Variants in IFT81 observed in about 807,000 individuals in gnomAD.
IFT81 encodes the protein intraflagellar transport protein 81 homolog.
A neutral mutation model predicts 102.6 loss-of-function variants in IFT81; 72 were observed. The observed-to-expected ratio is 0.70, with a 90% confidence interval of 0.58 to 0.85. IFT81 has a LOEUF of 0.85. Ranked by LOEUF, IFT81 falls within the 40% of genes least tolerant of loss-of-function variation. IFT81 has a pLI of 0.00. For synonymous variants in IFT81, 237 were observed against 242.7 expected, an observed-to-expected ratio of 0.98 and a Z score of 0.22; for missense variants, 723 against 787.3, an observed-to-expected ratio of 0.92 and a Z score of 0.98.
rs542545387 is a variant in IFT81 at position 110,158,628 on chromosome 12, C to T, written c.1042-4291C>T. ...TTTTTGAAATGGAGTCTCGCTCTTTCGCCCAGGCCAAACTGCAGTGGCACT... is the reference window on the plus strand; with the variant it reads ...TTTTTGAAATGGAGTCTCGCTCTTTTGCCCAGGCCAAACTGCAGTGGCACT... On this transcript the variant is annotated intron_variant, in intron 10 of 18. Coordinates refer to ENST00000242591, the MANE Select transcript of IFT81 (RefSeq NM_014055.4). Among the ~76,000 whole-genome samples, 18 of 151,392 alleles carry T rather than the reference C, an allele frequency of 1.2e-4. 1 individual carries two copies. In the South Asian group the frequency reaches 2.5e-3, roughly 21 times the overall value.
In IFT81 at chr12:110,127,440, C is replaced by G. The variant is rs765704127; in HGVS notation, c.60C>G (p.Asn20Lys). Reference protein sequence around the residue: ...DSLNKEPFRKNYNLITFDSLE... With the variant: ...DSLNKEPFRKKYNLITFDSLE... ...TCAATAAGGAGCCCTTTAGGAAGAACTATAATTTAATCACGTTTGATTCCT... is the reference window on the plus strand; with the variant it reads ...TCAATAAGGAGCCCTTTAGGAAGAAGTATAATTTAATCACGTTTGATTCCT... Residue 20 changes from asparagine (N) to lysine (K), a missense_variant, in exon 2 of 19, where the codon AAC (asparagine) becomes AAG (lysine). By Grantham distance (94) the Asn-to-Lys change is moderately conservative (BLOSUM62 0). Coordinates refer to ENST00000242591, the MANE Select transcript of IFT81 (RefSeq NM_014055.4). The G allele has an allele frequency of 1.1e-5, 18 of 1,608,090 alleles. No individual in the cohort carries two copies. The highest frequency in any genetic ancestry group is 1.5e-5 in the Non-Finnish European group (18 of 1,177,346).
intron 10 of IFT81, among the ~76,000 whole-genome samples, chr12:110,153,976 C>T (rs1303753849): frequency 1.3e-5 from 2 of 151,820 alleles, no homozygotes; most frequent in Non-Finnish European, 2.9e-5. Context: ...AGGACCAGGG[C>T]TTTTCTTTGT....
At chr12:110,139,365 A>G (rs1262518420) in intron 8 of IFT81, among the ~76,000 whole-genome samples, 3 of 150,738 alleles carry the variant, frequency 2.0e-5, no homozygotes, top group African/African-American at 7.3e-5. Context: ...AGAAAAGGAA[A>G]AAAGAAAAGA....
intron 1 of IFT81, among the ~76,000 whole-genome samples, chr12:110,125,252 G>A (rs1000915215): frequency 2.0e-5 from 3 of 151,882 alleles, no homozygotes; most frequent in African/African-American, 7.3e-5. Context: ...CTTACGTAAA[G>A]GTTTTCCTTT....
chr12:110,181,872 G>A (rs1419113041), intron 12 of IFT81, among the ~76,000 whole-genome samples: 1 of 152,134 alleles, frequency 6.6e-6, no homozygotes, highest in Non-Finnish European at 1.5e-5. Flanking sequence ...AGGGGAGTGA[G>A]GGAAGCAGAT....
intron 12 of IFT81, among the ~76,000 whole-genome samples, chr12:110,184,299 G>C (rs909696575): frequency 2.0e-5 from 3 of 152,022 alleles, no homozygotes; most frequent in Admixed American, 2.0e-4. Context: ...GCAGTGAGCC[G>C]AGATCATGCC....
intron 12 of IFT81, among the ~76,000 whole-genome samples, chr12:110,190,217 A>G (rs1350280634): frequency 6.6e-6 from 1 of 152,206 alleles, no homozygotes; most frequent in Non-Finnish European, 1.5e-5. Flanking sequence ...ATAGATGTAC[A>G]CTGAGACCTA....
chr12:110,208,297 G>GT (rs1392917740), intron 17 of IFT81, among the ~76,000 whole-genome samples: 1 of 152,204 alleles, frequency 6.6e-6, no homozygotes, highest in Non-Finnish European at 1.5e-5. Flanking sequence ...GAGCCCCAGA[G>GT]TTCAAGACCA....
intron 12 of IFT81, 132 bp downstream of exon 12, chr12:110,180,703 CAT>C (rs1897286596): frequency 1.7e-6 from 1 of 579,548 alleles, no homozygotes; most frequent in Non-Finnish European, 2.8e-6. Context: ...TAATTACAGA[CAT>C]GACATATAAG....
At chr12:110,204,088 C>T in intron 15 of IFT81, 138 bp downstream of exon 15, 1 of 601,554 alleles carries the variant, frequency 1.7e-6, no homozygotes, top group Non-Finnish European at 3.0e-6. Context: ...TATGATCACA[C>T]CACTGCATTC....
In IFT81 at chr12:110,218,355, T is replaced by C. The variant is rs1193297890; in HGVS notation, c.*129T>C. The C allele has an allele frequency of 4.7e-6, 3 of 631,954 alleles. No individual in the cohort carries two copies. The highest frequency in any genetic ancestry group is 7.6e-6 in the Non-Finnish European group (3 of 395,588). The allele number at this position is 631,954 out of a possible 1,614,324, so 39.1% of individuals were successfully genotyped here. On this transcript the variant is annotated 3_prime_UTR_variant, in exon 19 of 19. Transcript: ENST00000242591. The stretch of plus-strand genomic sequence containing the variant: ...CAGAAGAGCCATTCTTTATTAAGTT[T>C]TCATAGAAAATAATGTTAAGGTAGA...
Position 110,205,430 on chromosome 12 carries a change from T to G in IFT81, c.1645-13T>G. On this transcript the variant is annotated splice_polypyrimidine_tract_variant and intron_variant, in intron 15 of 18. Coordinates refer to ENST00000242591, the MANE Select transcript of IFT81 (RefSeq NM_014055.4). ...TTTCGATAATGTCACCTATCTAAAA[T>G]TATATATTATAGGAAGTTAGAAGAC... 6.3e-7 allele frequency: 1 copy of G among 1,577,094 alleles called. No homozygotes were observed. Among genetic ancestry groups the G allele is most frequent in the East Asian group, 2.3e-5 (1 of 44,258 alleles).
rs1897284665 is a variant in IFT81, at chr12:110,180,647, C to A, written c.1338+76C>A. 2.9e-6 allele frequency: 3 copies of A among 1,042,954 alleles called. No homozygotes were observed. Among genetic ancestry groups the A allele is most frequent in the Admixed American group, 2.5e-5 (1 of 39,392 alleles). The allele number at this position is 1,042,954 out of a possible 1,614,324, so 64.6% of individuals were successfully genotyped here. A position where few individuals can be genotyped will look rare whatever the true frequency, so the allele number is the denominator to read the frequency against. ...ATGGGTTACAGCTTTATACTGAAGT[C>A]ATTGTTTTTACTGGAAAAATGATAA... On this transcript the variant is annotated intron_variant, in intron 12 of 18. Coordinates refer to ENST00000242591, the MANE Select transcript of IFT81 (RefSeq NM_014055.4).
chr12:110,148,962 G>GT (rs1195193372), intron 10 of IFT81, among the ~76,000 whole-genome samples: 2 of 152,002 alleles, frequency 1.3e-5, no homozygotes, highest in African/African-American at 4.8e-5. Context: ...ATTTTTTGTT[G>GT]TTTTTTGTTT....
intron 11 of IFT81, among the ~76,000 whole-genome samples, chr12:110,175,074 T>C (rs1896982897): frequency 2.0e-5 from 3 of 152,228 alleles, no homozygotes; most frequent in Admixed American, 1.3e-4. Flanking sequence ...GTACAAATGA[T>C]TAGTAATAGC....
At chr12:110,162,854 T>C in intron 10 of IFT81, 65 bp from the exon 11 acceptor site, 1 of 1,377,746 alleles carries the variant, frequency 7.3e-7, no homozygotes, top group South Asian at 1.4e-5. Context: ...AAATAGATAA[T>C]TTCACAAGAT....
At chr12:110,197,301 G>C (rs1593363364) in intron 14 of IFT81, among the ~76,000 whole-genome samples, 2 of 150,930 alleles carry the variant, frequency 1.3e-5, no homozygotes, top group African/African-American at 4.9e-5. Flanking sequence ...GATGTATTTT[G>C]TGTGGGTGTA....
At chr12:110,198,983 A>G (rs1221367455) in intron 14 of IFT81, among the ~76,000 whole-genome samples, 1 of 150,976 alleles carries the variant, frequency 6.6e-6, no homozygotes, top group Non-Finnish European at 1.5e-5. Context: ...TAATTTTTGT[A>G]TTTTTTGTAG....
intron 17 of IFT81, 134 bp from the exon 18 acceptor site, chr12:110,209,037 G>C: frequency 2.4e-6 from 1 of 414,712 alleles, no homozygotes. Context: ...TTTTATAATG[G>C]GTTTCATTCT....
Sources: allele counts gnomAD v4.1 joint callset (sites outside exome capture counted in the v4.1 genomes callset), GRCh38; gene constraint gnomAD v4.1.1; transcripts MANE v1.5; gene names NCBI Gene and HGNC (gene_info 2026-07-23, HGNC 2026-07-21).